CDYL2: variants seen among roughly 807,000 people sequenced by gnomAD.
CDYL2 encodes chromodomain Y-like protein 2.
CDYL2 carries 23 observed loss-of-function variants against 49.4 expected under a neutral mutation model. The ratio of observed to expected loss-of-function variants is 0.47; its 90% CI spans 0.34 to 0.66. The LOEUF (loss-of-function observed/expected upper bound fraction) is 0.66. Among genes scored for constraint, CDYL2 ranks in the 30% least tolerant of loss-of-function variants. CDYL2 has a pLI of 0.01. For missense variants in CDYL2, 678 were observed against 656.4 expected (o/e 1.03, Z -0.36); for synonymous variants, 360 against 268.8 (o/e 1.34, Z -3.32).
chr16:80,779,498 G>A lies in CDYL2; in HGVS notation c.24+24652C>T, dbSNP rs185105727. Reference sequence around the variant, plus strand: ...AGTCTTTACCAAGGGCATACTCATTGACATTCCACATCTAGAAATTTATCA... The same window carrying A: ...AGTCTTTACCAAGGGCATACTCATTAACATTCCACATCTAGAAATTTATCA... On this transcript the variant is annotated intron_variant, in intron 1 of 6. Transcript: ENST00000570137. Among the ~76,000 whole-genome samples the A allele has an allele frequency of 4.4e-3, 676 of 152,100 alleles. 8 individuals carry two copies. Among genetic ancestry groups the A allele is most frequent in the African/African-American group, 0.015 (620 of 41,520 alleles).
intron 1 of CDYL2, among the ~76,000 whole-genome samples, chr16:80,739,083 A>G (rs762541788): frequency 2.6e-5 from 4 of 152,230 alleles, no homozygotes; most frequent in Non-Finnish European, 5.9e-5. Flanking sequence ...TTTAAAGGGA[A>G]GTAAATTCTG....
intron 2 of CDYL2, among the ~76,000 whole-genome samples, chr16:80,672,560 G>A (rs1909568625): frequency 7.4e-6 from 1 of 135,380 alleles, no homozygotes; most frequent in South Asian, 2.6e-4. Flanking sequence ...GAAAGGAAAG[G>A]AAAGGAAAGG....
Position 80,750,054 on chromosome 16 carries a change from GA to G in CDYL2, c.24+54095del, listed in dbSNP as rs2142561839. On this transcript the variant is annotated intron_variant, in intron 1 of 6. Transcript: ENST00000570137. ...GAACAAAGAGAACACTTGGACAGAG[GA>G]AGGGGAACATCACACACCGGGGCCT... Among the ~76,000 whole-genome samples, 2 of 150,028 alleles carry G rather than the reference GA, an allele frequency of 1.3e-5. 1 individual carries two copies. The highest frequency in any genetic ancestry group is 4.3e-4 in the South Asian group (2 of 4,634).
intron 1 of CDYL2, among the ~76,000 whole-genome samples, chr16:80,774,710 G>A (rs1203249084): frequency 6.6e-6 from 1 of 152,052 alleles, no homozygotes; most frequent in Non-Finnish European, 1.5e-5. Context: ...AAGTGTAGCA[G>A]GAGGATATTA....
intron 1 of CDYL2, among the ~76,000 whole-genome samples, chr16:80,803,137 T>C (rs575693239): frequency 6.6e-6 from 1 of 152,298 alleles, no homozygotes; most frequent in Admixed American, 6.5e-5. Context: ...TGGCTGGCTG[T>C]TCCTTGTGTT....
intron 1 of CDYL2, among the ~76,000 whole-genome samples, chr16:80,792,611 G>T (rs544854835): frequency 3.9e-5 from 6 of 152,292 alleles, no homozygotes; most frequent in African/African-American, 1.4e-4. Flanking sequence ...TGACAGGTGT[G>T]TTCTGGGGAT....
At chr16:80,614,014 C>T (rs185308523) in intron 4 of CDYL2, among the ~76,000 whole-genome samples, 2 of 143,418 alleles carry the variant, frequency 1.4e-5, no homozygotes, top group East Asian at 1.9e-4. Flanking sequence ...ATCACCCTAA[C>T]TATTTGCTTG....
At chr16:80,760,089 T>TA (rs1357436014) in intron 1 of CDYL2, among the ~76,000 whole-genome samples, 5 of 152,234 alleles carry the variant, frequency 3.3e-5, no homozygotes, top group African/African-American at 1.2e-4. Context: ...CTGTTCACTT[T>TA]ATAAAGATGG....
At chr16:80,624,371 T>C (rs1175391043) in intron 3 of CDYL2, among the ~76,000 whole-genome samples, 1 of 152,222 alleles carries the variant, frequency 6.6e-6, no homozygotes, top group Admixed American at 6.5e-5. Context: ...CTGCCCTGTA[T>C]GTGGATTTGA....
intron 1 of CDYL2, among the ~76,000 whole-genome samples, chr16:80,712,897 A>G (rs1237549314): frequency 6.6e-6 from 1 of 152,162 alleles, no homozygotes; most frequent in Non-Finnish European, 1.5e-5. Context: ...CCAAAGGGGT[A>G]CCAGCTTCCT....
chr16:80,631,962 C>G (rs987670915), intron 3 of CDYL2, among the ~76,000 whole-genome samples: 1 of 152,174 alleles, frequency 6.6e-6, no homozygotes, highest in African/African-American at 2.4e-5. Context: ...GGGGGACCCA[C>G]TGTGGAAAAC....
chr16:80,768,035 T>G (rs1234014136), intron 1 of CDYL2, among the ~76,000 whole-genome samples: 1 of 152,096 alleles, frequency 6.6e-6, no homozygotes, highest in South Asian at 2.1e-4. Flanking sequence ...CCATTTCTAC[T>G]CCTCCCAGTT....
intron 1 of CDYL2, among the ~76,000 whole-genome samples, chr16:80,687,475 T>C (rs1910244361): frequency 1.3e-5 from 2 of 151,900 alleles, no homozygotes. Context: ...AATAAATGAA[T>C]AGATGGCTGG....
chr16:80,665,400 C>A (rs1048940717), intron 2 of CDYL2, among the ~76,000 whole-genome samples: 2 of 151,586 alleles, frequency 1.3e-5, no homozygotes, highest in Non-Finnish European at 2.9e-5. Context: ...CACTCAATGC[C>A]ATGCCTGGCA....
chr16:80,737,591 G>T (rs1294560586), intron 1 of CDYL2, among the ~76,000 whole-genome samples: 1 of 152,182 alleles, frequency 6.6e-6, no homozygotes, highest in Non-Finnish European at 1.5e-5. Flanking sequence ...GCTGCTAGTG[G>T]TGGTGGTTTT....
chr16:80,612,274 C>T lies in CDYL2; in HGVS notation c.1218+352G>A, dbSNP rs1906633652. Among the ~76,000 whole-genome samples the T allele has an allele frequency of 6.6e-6, 1 of 152,190 alleles. No homozygotes were observed. Among genetic ancestry groups the T allele is most frequent in the Admixed American group, 6.5e-5 (1 of 15,282 alleles). On this transcript the variant is annotated intron_variant, in intron 5 of 6. Coordinates refer to ENST00000570137, the MANE Select transcript of CDYL2 (RefSeq NM_152342.4). The surrounding 1 kb of genome is among the most constrained non-coding windows in gnomAD (Gnocchi z 5.0). Reference sequence around the variant, plus strand: ...CCCCAGAGAGTGTGGGTGGCCCCTACACCTATGCTGGACCACTCAAGAGGA... The same window carrying T: ...CCCCAGAGAGTGTGGGTGGCCCCTATACCTATGCTGGACCACTCAAGAGGA...
At chr16:80,775,640 A>G (rs1325063237) in intron 1 of CDYL2, among the ~76,000 whole-genome samples, 1 of 151,954 alleles carries the variant, frequency 6.6e-6, no homozygotes, top group Non-Finnish European at 1.5e-5. Flanking sequence ...AGAATGATCA[A>G]CAGAAAATAT....
intron 1 of CDYL2, among the ~76,000 whole-genome samples, chr16:80,697,210 A>T (rs1238460083): frequency 6.6e-6 from 1 of 152,218 alleles, no homozygotes; most frequent in Non-Finnish European, 1.5e-5. Context: ...CAACACATCA[A>T]CAACATAGTA....
At chr16:80,772,304 G>A (rs1295481386) in intron 1 of CDYL2, among the ~76,000 whole-genome samples, 2 of 152,258 alleles carry the variant, frequency 1.3e-5, no homozygotes, top group East Asian at 3.9e-4. Flanking sequence ...AAAAACTGGA[G>A]AAAGTCAAAA....
Sources: allele counts gnomAD v4.1 joint callset (sites outside exome capture counted in the v4.1 genomes callset), GRCh38; gene constraint gnomAD v4.1.1; non-coding constraint Gnocchi (gnomAD v3.1); transcripts MANE v1.5; gene names NCBI Gene and HGNC (gene_info 2026-07-23, HGNC 2026-07-21).